BRAF: variants seen among roughly 807,000 people sequenced by gnomAD.
BRAF encodes the protein serine/threonine-protein kinase B-raf.
BRAF carries 16 observed loss-of-function variants against 104.6 expected under a neutral mutation model. That is an observed-to-expected ratio of 0.15 (90% CI 0.10 to 0.23). The LOEUF is 0.23. BRAF is among the 10% of genes least tolerant of loss of function. The pLI, the probability that BRAF is intolerant of heterozygous loss-of-function variation, is 1.00. For synonymous variants in BRAF, 310 were observed against 341.6 expected (o/e 0.91, Z 1.02); for missense variants, 541 against 937.3 (o/e 0.58, Z 5.52).
At chr7:140,860,564 T>C (rs776288113) in intron 1 of BRAF, among the ~76,000 whole-genome samples, 3 of 151,656 alleles carry the variant, frequency 2.0e-5, no homozygotes, top group Non-Finnish European at 4.4e-5. Context: ...GGTGGGAGGA[T>C]TGCCTGAGCC....
At chr7:140,780,887 T>C (rs1800804421) in intron 12 of BRAF, 1 of 152,266 alleles carries the variant, frequency 6.6e-6, no homozygotes, top group African/African-American at 2.4e-5. Flanking sequence ...CTTTGATAAC[T>C]AGTAAGGCTG....
chr7:140,747,716 C>T (rs1323115260), intron 17 of BRAF, among the ~76,000 whole-genome samples: 1 of 152,052 alleles, frequency 6.6e-6, no homozygotes, highest in Non-Finnish European at 1.5e-5. Context: ...GGCTGTTATG[C>T]TGTATGATTG....
At chr7:140,854,904 C>T (rs1809607258) in intron 1 of BRAF, among the ~76,000 whole-genome samples, 1 of 152,050 alleles carries the variant, frequency 6.6e-6, no homozygotes, top group African/African-American at 2.4e-5. Context: ...GAGACTGCGC[C>T]ACTGCACTCC....
At chr7:140,727,270 A>G (rs570059793) in intron 19 of BRAF, among the ~76,000 whole-genome samples, 39 of 145,432 alleles carry the variant, frequency 2.7e-4, no homozygotes, top group African/African-American at 9.2e-4. Flanking sequence ...TGCAACCTCT[A>G]CCTCCTGGGT....
intron 1 of BRAF, among the ~76,000 whole-genome samples, chr7:140,914,783 T>C (rs781204182): frequency 2.0e-4 from 30 of 151,856 alleles, no homozygotes; most frequent in Non-Finnish European, 4.3e-4. Context: ...CTCATGCCTG[T>C]AATCCCAGCA....
chr7:140,829,741 T>C (rs1387534668), intron 3 of BRAF, among the ~76,000 whole-genome samples: 1 of 152,218 alleles, frequency 6.6e-6, no homozygotes, highest in Non-Finnish European at 1.5e-5. Context: ...AGGTTCTCTT[T>C]CAACTTTCGA....
intron 5 of BRAF, 84 bp downstream of exon 5, chr7:140,807,876 A>G (rs1803821659): frequency 7.4e-6 from 8 of 1,077,138 alleles, no homozygotes; most frequent in Middle Eastern, 4.2e-4. Flanking sequence ...TTACTCATCC[A>G]TATTTCACAT....
intron 1 of BRAF, among the ~76,000 whole-genome samples, chr7:140,911,579 TA>T (rs1816985428): frequency 6.6e-6 from 1 of 152,020 alleles, no homozygotes; most frequent in Admixed American, 6.6e-5. Flanking sequence ...GTAGGTGAGG[TA>T]AGTCTGGAAG....
Position 140,725,959 on chromosome 7 carries a change from C to T in BRAF, c.*535G>A. The T allele has an allele frequency of 1.5e-5, 16 of 1,065,936 alleles. No individual in the cohort carries two copies. Among genetic ancestry groups the T allele is most frequent in the Non-Finnish European group, 1.8e-5 (16 of 879,998 alleles). 66.0% of individuals were successfully genotyped at this position (1,065,936 alleles called of 1,614,324 possible). On this transcript the variant is annotated 3_prime_UTR_variant, in exon 20 of 20. Coordinates refer to ENST00000644969, the MANE Select transcript of BRAF (RefSeq NM_001374258.1). Reference sequence around the variant, plus strand: ...AAATCTGTCAAGGCCTGAACACGCACCACATAGAAAGGGCAAGCTGCATTT... The same window carrying T: ...AAATCTGTCAAGGCCTGAACACGCATCACATAGAAAGGGCAAGCTGCATTT...
chr7:140,838,856 TC>T (rs1807623854), intron 2 of BRAF, among the ~76,000 whole-genome samples: 2 of 152,164 alleles, frequency 1.3e-5, no homozygotes, highest in South Asian at 4.1e-4. Context: ...GGGAATGACT[TC>T]CAATGCATGA....
intron 2 of BRAF, among the ~76,000 whole-genome samples, chr7:140,840,708 T>A (rs944131378): frequency 6.6e-6 from 1 of 150,440 alleles, no homozygotes; most frequent in Non-Finnish European, 1.5e-5. Flanking sequence ...GGAGGATGGC[T>A]TGAGCCTAGG....
chr7:140,764,531 T>C (rs545630244), intron 14 of BRAF, among the ~76,000 whole-genome samples: 7 of 151,758 alleles, frequency 4.6e-5, no homozygotes, highest in African/African-American at 1.5e-4. Context: ...GACGACATGA[T>C]TGTATATCTA....
intron 3 of BRAF, among the ~76,000 whole-genome samples, chr7:140,832,942 C>G (rs1462026199): frequency 6.7e-6 from 1 of 150,020 alleles, no homozygotes; most frequent in Non-Finnish European, 1.5e-5. Flanking sequence ...GGCGCGATCT[C>G]GGCTCACTGC....
At chr7:140,753,951 ACTC>A (rs943979718) in intron 15 of BRAF, 17 of 562,752 alleles carry the variant, frequency 3.0e-5, no homozygotes, top group Non-Finnish European at 5.1e-5. Flanking sequence ...GCAATCAAAA[ACTC>A]CTACTATTGT....
intron 1 of BRAF, among the ~76,000 whole-genome samples, chr7:140,879,855 C>T (rs530553400): frequency 2.0e-5 from 3 of 151,946 alleles, no homozygotes; most frequent in Non-Finnish European, 4.4e-5. Flanking sequence ...CCTCAGCCTC[C>T]CAAGTAGCTG....
chr7:140,741,599 G>A (rs960630678), intron 17 of BRAF: 2 of 152,098 alleles, frequency 1.3e-5, no homozygotes, highest in Non-Finnish European at 2.9e-5. Context: ...TCTTATCTAA[G>A]TTCTCCAATG....
rs181203876 is a variant in BRAF at position 140,832,825 on chromosome 7, C to T, written c.504+1784G>A. Among the ~76,000 whole-genome samples, 16 of 150,942 alleles carry T rather than the reference C, an allele frequency of 1.1e-4. No homozygotes were observed. In the South Asian group the frequency reaches 1.5e-3, roughly 14 times the overall value. On this transcript the variant is annotated intron_variant, in intron 3 of 19. Coordinates refer to ENST00000644969, the MANE Select transcript of BRAF (RefSeq NM_001374258.1). Reference sequence around the variant, plus strand: ...GGGAAATTATAAGCTTTAGTGATACCTGTAAATTTCTCTTGGCCTCTCTCA... The same window carrying T: ...GGGAAATTATAAGCTTTAGTGATACTTGTAAATTTCTCTTGGCCTCTCTCA...
chr7:140,913,469 CTTTTT>C (rs369746551), intron 1 of BRAF, among the ~76,000 whole-genome samples: 10 of 57,012 alleles, frequency 1.8e-4, no homozygotes, highest in African/African-American at 6.7e-4. Flanking sequence ...TTAATCACAG[CTTTTT>C]TTTTTTTTTT....
chr7:140,795,399 T>C (rs1348360433), intron 7 of BRAF, among the ~76,000 whole-genome samples: 1 of 152,178 alleles, frequency 6.6e-6, no homozygotes, highest in Non-Finnish European at 1.5e-5. Flanking sequence ...TCAGGACCAA[T>C]GAATGGCTAA....
Sources: gnomAD v4.1 joint callset for allele counts (sites outside exome capture counted in the v4.1 genomes callset) on GRCh38, gnomAD v4.1.1 for gene constraint, MANE v1.5 for transcripts, NCBI Gene and HGNC (gene_info 2026-07-23, HGNC 2026-07-21) for gene names.